FMN1: variants seen among roughly 807,000 people sequenced by gnomAD.
The protein encoded by FMN1 is formin 1, also known as formin-1.
In FMN1, 110 loss-of-function variants were observed where a neutral mutation model predicts 132.4. That is an observed-to-expected ratio of 0.83 (90% CI 0.71 to 0.97). The LOEUF (loss-of-function observed/expected upper bound fraction) is 0.97. Among genes scored for constraint, FMN1 ranks in the 50% least tolerant of loss-of-function variants. FMN1 has a pLI of 0.00. For synonymous variants in FMN1, 722 were observed against 651.7 expected (o/e 1.11, Z -1.64); for missense variants, 1,792 against 1,705.3 (o/e 1.05, Z -0.90).
At chr15:32,908,454 C>T (rs1228077292) in intron 12 of FMN1, 36 bp downstream of exon 12, 3 of 1,405,332 alleles carry the variant, frequency 2.1e-6, no homozygotes, top group African/African-American at 1.4e-5. Context: ...TGCAGTTCTC[C>T]TTTTGGCCTA....
intron 3 of FMN1, among the ~76,000 whole-genome samples, chr15:33,162,014 T>C (rs928342815): frequency 7.2e-5 from 11 of 152,156 alleles, no homozygotes; most frequent in Admixed American, 4.6e-4. Context: ...CTTTCCTTTT[T>C]GTTTTTCTTC....
intron 5 of FMN1, among the ~76,000 whole-genome samples, chr15:33,073,932 T>C (rs2038097332): frequency 6.6e-6 from 1 of 152,178 alleles, no homozygotes; most frequent in Admixed American, 6.5e-5. Context: ...GGTTTCACCA[T>C]GTTACCCAGG....
intron 19 of FMN1, among the ~76,000 whole-genome samples, chr15:32,784,264 AG>A (rs1182162704): frequency 6.6e-6 from 1 of 152,230 alleles, no homozygotes; most frequent in Non-Finnish European, 1.5e-5. Context: ...AGGCAGAATT[AG>A]GGGATCCTCC....
At chr15:32,990,737 G>A (rs2033383541) in intron 7 of FMN1, among the ~76,000 whole-genome samples, 1 of 152,186 alleles carries the variant, frequency 6.6e-6, no homozygotes, top group African/African-American at 2.4e-5. Flanking sequence ...AGTTACACAT[G>A]CCTGTGGAGG....
At position 33,061,239 on chromosome 15, in the gene FMN1, C is replaced by G. The variant is rs376194682; in HGVS notation, c.2161+3718G>C. 5.9e-5 allele frequency among the ~76,000 whole-genome samples: 9 copies of G among 152,298 alleles called. No homozygotes were observed. The East Asian group carries it at 1.3e-3, about 23-fold the overall frequency. Reference sequence around the variant, plus strand: ...CAGGTCAGTCCAAATGTGTCCTTCACCCAGTCAAGCCCTGTCCCTGGGGAG... The same window carrying G: ...CAGGTCAGTCCAAATGTGTCCTTCAGCCAGTCAAGCCCTGTCCCTGGGGAG... On this transcript the variant is annotated intron_variant, in intron 6 of 20. Transcript: ENST00000616417.
rs2141661049 is a variant in FMN1, at chr15:32,910,099, A to G, written c.3288+375T>C. On this transcript the variant is annotated intron_variant, in intron 11 of 20. Coordinates refer to ENST00000616417, the MANE Select transcript of FMN1 (RefSeq NM_001277313.2). The stretch of plus-strand genomic sequence containing the variant: ...TCATCAACTCATTTGGACTAAGAGT[A>G]ATCATCCAAGCTGGTATTAGCAGTC... Among the ~76,000 whole-genome samples, 4 of 152,342 alleles carry G rather than the reference A, an allele frequency of 2.6e-5. No individual in the cohort carries two copies. In the East Asian group the frequency reaches 7.7e-4, roughly 29 times the overall value.
At chr15:32,972,176 C>G (rs900831029) in intron 7 of FMN1, among the ~76,000 whole-genome samples, 3 of 152,172 alleles carry the variant, frequency 2.0e-5, no homozygotes, top group Admixed American at 6.5e-5. Flanking sequence ...CATTATTATT[C>G]TCTCTCTAAT....
chr15:32,836,885 G>C (rs1247850279), intron 17 of FMN1: 6 of 165,558 alleles, frequency 3.6e-5, no homozygotes, highest in Non-Finnish European at 1.5e-5. Flanking sequence ...TCTGTGATTA[G>C]ATGAACTGAT....
rs2056293130 is a variant in FMN1, at chr15:32,772,805, A to C, written c.*1505T>G. On this transcript the variant is annotated 3_prime_UTR_variant, in exon 21 of 21. Transcript: ENST00000616417. ...GCTTTCATTACTGGATCTATTATAG[A>C]AGCATTCCTGAGGGGCTGCTGGCTG... 1 of 152,270 alleles carries C rather than the reference A, an allele frequency of 6.6e-6. No individual in the cohort carries two copies. The highest frequency in any genetic ancestry group is 2.1e-4 in the South Asian group (1 of 4,830). The allele number at this position is 152,270 out of a possible 1,614,324, so 9.4% of individuals were successfully genotyped here. A position where few individuals can be genotyped will look rare whatever the true frequency, so the allele number is the denominator to read the frequency against.
chr15:33,112,131 T>C (rs1456876312), intron 4 of FMN1, among the ~76,000 whole-genome samples: 1 of 152,164 alleles, frequency 6.6e-6, no homozygotes, highest in Non-Finnish European at 1.5e-5. Flanking sequence ...ACAGCATTTT[T>C]ATTGGTTTCA....
intron 19 of FMN1, among the ~76,000 whole-genome samples, chr15:32,787,714 A>C (rs762930171): frequency 2.0e-5 from 3 of 152,146 alleles, no homozygotes; most frequent in Non-Finnish European, 2.9e-5. Context: ...TGAGTTGGGC[A>C]TGATGATGTG....
At chr15:32,958,902 C>T (rs576827151) in intron 9 of FMN1, among the ~76,000 whole-genome samples, 6 of 151,898 alleles carry the variant, frequency 4.0e-5, no homozygotes, top group African/African-American at 4.8e-5. Context: ...ATTAGCTGGG[C>T]GTGATGGTGG....
At chr15:33,151,316 C>T in intron 4 of FMN1, 3 of 1,536,494 alleles carry the variant, frequency 2.0e-6, no homozygotes, top group South Asian at 1.2e-5. Flanking sequence ...GTTAGAAGCA[C>T]AGGAGATGCT....
intron 12 of FMN1, among the ~76,000 whole-genome samples, chr15:32,902,639 C>T (rs562038687): frequency 6.6e-6 from 1 of 152,268 alleles, no homozygotes; most frequent in African/African-American, 2.4e-5. Context: ...GTATTTAGAA[C>T]AAAGCAGGCA....
In FMN1 at chr15:32,940,315, G is replaced by C. The variant is rs74646214; in HGVS notation, c.3139-14054C>G. Among the ~76,000 whole-genome samples, 1,378 of 151,984 alleles carry C rather than the reference G, an allele frequency of 9.1e-3. 27 individuals are homozygous for C. Among genetic ancestry groups the C allele is most frequent in the African/African-American group, 0.032 (1,313 of 41,448 alleles). ...TGCCCTTGCTCGTCATTGTATCAACGCTGAAAGGCAGACAGTCCAATTCAA... is the reference window on the plus strand; with the variant it reads ...TGCCCTTGCTCGTCATTGTATCAACCCTGAAAGGCAGACAGTCCAATTCAA... On this transcript the variant is annotated intron_variant, in intron 9 of 20. Transcript: ENST00000616417.
chr15:33,019,726 T>C (rs533890900), intron 6 of FMN1, among the ~76,000 whole-genome samples: 23 of 152,330 alleles, frequency 1.5e-4, no homozygotes, highest in South Asian at 1.0e-3. Context: ...GCCTGAGTGC[T>C]AAGCCCCTCA....
At chr15:33,082,219 C>A (rs1285924735) in intron 5 of FMN1, among the ~76,000 whole-genome samples, 1 of 151,566 alleles carries the variant, frequency 6.6e-6, no homozygotes, top group Non-Finnish European at 1.5e-5. Context: ...ATTACAGGCG[C>A]CCACCGCCAC....
At chr15:32,915,932 C>T (rs1156308359) in intron 10 of FMN1, among the ~76,000 whole-genome samples, 1 of 152,192 alleles carries the variant, frequency 6.6e-6, no homozygotes, top group African/African-American at 2.4e-5. Flanking sequence ...ATTCCTTTAC[C>T]TTTAAAAATC....
intron 6 of FMN1, among the ~76,000 whole-genome samples, chr15:33,043,097 T>A (rs1442098623): frequency 6.6e-6 from 1 of 152,330 alleles, no homozygotes; most frequent in African/African-American, 2.4e-5. Flanking sequence ...GTAGAAACTG[T>A]ACTTTGAATT....
Sources: allele counts gnomAD v4.1 joint callset (sites outside exome capture counted in the v4.1 genomes callset), GRCh38; gene constraint gnomAD v4.1.1; transcripts MANE v1.5; gene names NCBI Gene and HGNC (gene_info 2026-07-23, HGNC 2026-07-21).